Variants in COPG1 observed in about 807,000 individuals in gnomAD.
The protein encoded by COPG1 is coatomer subunit gamma-1.
COPG1 carries 29 observed loss-of-function variants against 102.8 expected under a neutral mutation model. That is an observed-to-expected ratio of 0.28 (90% CI 0.21 to 0.38). COPG1 has a LOEUF of 0.38. Among genes scored for constraint, COPG1 ranks in the 10% least tolerant of loss-of-function variants. COPG1 has a pLI of 1.00. For synonymous variants in COPG1, 406 were observed against 421.6 expected (o/e 0.96, Z 0.45); for missense variants, 875 against 1,132.7 (o/e 0.77, Z 3.27).
chr3:129,263,560 G>A (rs1939989970), intron 12 of COPG1, among the ~76,000 whole-genome samples: 1 of 152,220 alleles, frequency 6.6e-6, no homozygotes, highest in Non-Finnish European at 1.5e-5. Flanking sequence ...AGCCAGAGGA[G>A]ATGATGGGTG....
chr3:129,252,648 C>T lies in COPG1; in HGVS notation c.197C>T (p.Ala66Val), dbSNP rs376964607. The change falls in exon 4 of 24, where the codon GCG becomes GTG. Residue 66 changes from alanine to valine, a missense_variant. Coordinates refer to ENST00000314797, the MANE Select transcript of COPG1 (RefSeq NM_016128.4). ...NQGEHLGTTE[A>V]TEAFFAMTKL... ...GGGGAGCACCTGGGGACCACGGAAG[C>T]GACCGAGGCCTTCTTTGCCATGACC... 2.0e-5 allele frequency: 33 copies of T among 1,613,964 alleles called. No individual in the cohort carries two copies. The East Asian group carries it at 3.1e-4, about 15-fold the overall frequency.
At chr3:129,249,881 G>T in intron 1 of COPG1, 135 bp downstream of exon 1, 1 of 878,266 alleles carries the variant, frequency 1.1e-6, no homozygotes, top group Non-Finnish European at 1.7e-6. Context: ...CAGCTAGTCA[G>T]TGGCAGGCCT....
Position 129,277,596 on chromosome 3 carries a change from G to T in COPG1, c.*172G>T. On this transcript the variant is annotated 3_prime_UTR_variant, in exon 24 of 24. Transcript: ENST00000314797. ...CACCTCCCACCCGGGACTACTTGCTGGTGACTTTTTTTTTTTTTTTTTTTA... is the reference window on the plus strand; with the variant it reads ...CACCTCCCACCCGGGACTACTTGCTTGTGACTTTTTTTTTTTTTTTTTTTA... The T allele has an allele frequency of 2.0e-5, 10 of 498,906 alleles. No individual in the cohort carries two copies. The highest frequency in any genetic ancestry group is 2.9e-5 in the South Asian group (1 of 34,080). The allele number at this position is 498,906 out of a possible 1,614,324, so 30.9% of individuals were successfully genotyped here.
At chr3:129,267,659 A>G (rs1327909526) in intron 15 of COPG1, among the ~76,000 whole-genome samples, 1 of 152,132 alleles carries the variant, frequency 6.6e-6, no homozygotes, top group Non-Finnish European at 1.5e-5. Flanking sequence ...TTCACATACC[A>G]TACAATTTAC....
intron 2 of COPG1, among the ~76,000 whole-genome samples, chr3:129,251,246 T>C (rs1333556894): frequency 6.6e-6 from 1 of 151,140 alleles, no homozygotes; most frequent in African/African-American, 2.4e-5. Flanking sequence ...ATTTAAAAAA[T>C]TTCTCTATTT....
In COPG1 at chr3:129,277,524, T is replaced by TTC; in HGVS notation, c.*101_*102insCT. On this transcript the variant is annotated 3_prime_UTR_variant, in exon 24 of 24. Coordinates refer to ENST00000314797, the MANE Select transcript of COPG1 (RefSeq NM_016128.4). ...AGAAACCCCTTCCCAAGCTTCTGTA[T>TTC]TGAAAAACAATTAGGAATCATTGCA... The TTC allele has an allele frequency of 7.6e-7, 1 of 1,308,072 alleles. No individual in the cohort carries two copies. Among genetic ancestry groups the TTC allele is most frequent in the East Asian group, 2.5e-5 (1 of 39,532 alleles). The allele number at this position is 1,308,072 out of a possible 1,614,324, so 81.0% of individuals were successfully genotyped here.
At position 129,272,227 on chromosome 3, in the gene COPG1, C is replaced by G. The variant is rs764997193; in HGVS notation, c.1987-17C>G. 2.5e-6 allele frequency: 4 copies of G among 1,611,878 alleles called. No homozygotes were observed. The South Asian group carries it at 4.4e-5, about 18-fold the overall frequency. ...GACCTAGTGCAATGTTTAAGCTCCCCTCTCTTTCCTGTTCAGTTTGACTGC... is the reference window on the plus strand; with the variant it reads ...GACCTAGTGCAATGTTTAAGCTCCCGTCTCTTTCCTGTTCAGTTTGACTGC... On this transcript the variant is annotated splice_polypyrimidine_tract_variant and intron_variant, in intron 19 of 23. Coordinates refer to ENST00000314797, the MANE Select transcript of COPG1 (RefSeq NM_016128.4).
At chr3:129,261,219 TC>T (rs1939919683) in intron 12 of COPG1, among the ~76,000 whole-genome samples, 1 of 152,026 alleles carries the variant, frequency 6.6e-6, no homozygotes, top group Non-Finnish European at 1.5e-5. Flanking sequence ...GTAGACGAGA[TC>T]ATCTCAGGCA....
In COPG1 at chr3:129,274,982, A is replaced by T. The variant is rs755064437; in HGVS notation, c.2395+6A>T. The T allele has an allele frequency of 2.5e-6, 4 of 1,613,864 alleles. No individual in the cohort carries two copies. In the African/African-American group the frequency reaches 5.3e-5, roughly 22 times the overall value. On this transcript the variant is annotated splice_donor_region_variant and intron_variant, in intron 22 of 23. Transcript: ENST00000314797. Reference sequence around the variant, plus strand: ...TACCATCAAGACACTTGAAGGTAAAATCCTGGGAATGCCATCTCTGGCCTA... The same window carrying T: ...TACCATCAAGACACTTGAAGGTAAATTCCTGGGAATGCCATCTCTGGCCTA...
intron 1 of COPG1, 34 bp downstream of exon 1, chr3:129,249,780 G>T (rs929516266): frequency 1.3e-6 from 2 of 1,538,030 alleles, no homozygotes; most frequent in South Asian, 2.4e-5. Context: ...GAGGGAGGCC[G>T]GACCCCCACC....
chr3:129,260,195 T>C (rs1238172906), intron 10 of COPG1, 138 bp from the exon 11 acceptor site: 2 of 752,224 alleles, frequency 2.7e-6, no homozygotes, highest in Non-Finnish European at 4.6e-6. Context: ...TGAGGGGAGC[T>C]CTGTGTCTTG....
intron 10 of COPG1, 56 bp downstream of exon 10, chr3:129,257,916 C>T: frequency 6.3e-7 from 1 of 1,591,738 alleles, no homozygotes. Context: ...GGGAACTAGG[C>T]CTGGGTTCCC....
chr3:129,271,934 G>C lies in COPG1; in HGVS notation c.1986+25G>C. The C allele has an allele frequency of 4.3e-6, 7 of 1,611,214 alleles. No homozygotes were observed. Among genetic ancestry groups the C allele is most frequent in the Non-Finnish European group, 5.1e-6 (6 of 1,178,554 alleles). On this transcript the variant is annotated intron_variant, in intron 19 of 23. Coordinates refer to ENST00000314797, the MANE Select transcript of COPG1 (RefSeq NM_016128.4). The surrounding 1 kb of genome is among the most constrained non-coding windows in gnomAD (Gnocchi z 4.7). ...GGTGAGCAAGGTGGGCTGAGGCCCT[G>C]CTGGGGCATGCGCCCAGGGAGTTGT...
intron 13 of COPG1, among the ~76,000 whole-genome samples, chr3:129,265,347 C>G (rs1940030148): frequency 6.6e-6 from 1 of 152,206 alleles, no homozygotes; most frequent in African/African-American, 2.4e-5. Flanking sequence ...CCACCTCAGC[C>G]TCTCAAAGTG....
rs972143097 is a variant in COPG1 at position 129,272,790 on chromosome 3, G to T, written c.2159-17G>T. ...AGGCTGGGGACATCCTAACTACCCA[G>T]CCTCTCTTCCCCACAGTGGCCTGCA... On this transcript the variant is annotated splice_polypyrimidine_tract_variant and intron_variant, in intron 20 of 23. Transcript: ENST00000314797. 1.3e-6 allele frequency: 2 copies of T among 1,581,688 alleles called. No individual in the cohort carries two copies.
At chr3:129,253,261 G>C (rs1157623267) in intron 5 of COPG1, among the ~76,000 whole-genome samples, 2 of 152,198 alleles carry the variant, frequency 1.3e-5, no homozygotes, top group Non-Finnish European at 2.9e-5. Context: ...ATAAACAAGA[G>C]AGTACAAGCG....
At chr3:129,268,123 G>A (rs191397560) in intron 16 of COPG1, 83 bp downstream of exon 16, 157 of 1,235,194 alleles carry the variant, frequency 1.3e-4, no homozygotes, top group South Asian at 9.5e-4. Flanking sequence ...GGAAATCAGA[G>A]GCAAGATGCT....
chr3:129,254,392 G>T, intron 5 of COPG1: 1 of 397,676 alleles, frequency 2.5e-6, no homozygotes, highest in Non-Finnish European at 4.6e-6. Context: ...AGTGAGCATA[G>T]CCAGTTAGGG....
At position 129,272,863 on chromosome 3, in the gene COPG1, A is replaced by G; in HGVS notation, c.2215A>G (p.Thr739Ala). The stretch of plus-strand genomic sequence containing the variant: ...CACTGTCAAGGACTGTGATCCCACC[A>G]CTGGGGAGACTGATGACGAAGGCTA... ...KFTVKDCDPTTGETDDEGYED... is the reference protein window; with the variant it reads ...KFTVKDCDPTAGETDDEGYED... The change falls in exon 21 of 24, where the codon ACT becomes GCT. Residue 739 changes from threonine to alanine, a missense_variant. Physicochemically the swap from Thr to Ala is moderately conservative, Grantham distance 58. Transcript: ENST00000314797. 1 of 1,612,730 alleles carries G rather than the reference A, an allele frequency of 6.2e-7. No individual in the cohort carries two copies. The highest frequency in any genetic ancestry group is 1.7e-4 in the Middle Eastern group (1 of 6,058).
Sources: allele counts gnomAD v4.1 joint callset (sites outside exome capture counted in the v4.1 genomes callset), GRCh38; gene constraint gnomAD v4.1.1; non-coding constraint Gnocchi (gnomAD v3.1); transcripts MANE v1.5; gene names NCBI Gene and HGNC (gene_info 2026-07-23, HGNC 2026-07-21).